The following YIPF7 variants were observed in gnomAD, a reference collection of about 807,000 sequenced individuals.
YIPF7 encodes the protein protein YIPF7.
A neutral mutation model predicts 27.2 loss-of-function variants in YIPF7; 35 were observed. That is an observed-to-expected ratio of 1.29 (90% CI 0.98 to 1.70). The LOEUF (loss-of-function observed/expected upper bound fraction) is 1.70. Among genes scored for constraint, YIPF7 ranks in the 40% most tolerant of loss-of-function variants. The probability of loss-of-function intolerance (pLI) is 0.00; values close to 1 mark genes in which losing one functional copy is unlikely to be tolerated. For synonymous variants in YIPF7, 137 were observed against 110.4 expected (o/e 1.24, Z -1.51); for missense variants, 358 against 303.7 (o/e 1.18, Z -1.33).
At chr4:44,647,800 T>C (rs1028225030) in intron 2 of YIPF7, among the ~76,000 whole-genome samples, 6 of 152,144 alleles carry the variant, frequency 3.9e-5, no homozygotes, top group Non-Finnish European at 7.4e-5. Flanking sequence ...GTCCATTTTT[T>C]TCTGGGCAGA....
At chr4:44,629,362 A>T in intron 4 of YIPF7, 41 bp downstream of exon 4, 1 of 1,529,992 alleles carries the variant, frequency 6.5e-7, no homozygotes, top group Non-Finnish European at 8.8e-7. Context: ...AGCACTGGAA[A>T]GGACAAGCAT....
upstream of YIPF7, chr4:44,651,646 G>T: frequency 6.4e-7 from 1 of 1,550,584 alleles, no homozygotes; most frequent in African/African-American, 1.4e-5. Flanking sequence ...TGACATGCTG[G>T]CTATATATAT....
At chr4:44,659,206 T>C (rs552945796) in intron 2 of YIPF7, among the ~76,000 whole-genome samples, 1 of 152,248 alleles carries the variant, frequency 6.6e-6, no homozygotes, top group Non-Finnish European at 1.5e-5. Context: ...TGAGTGTGCA[T>C]TAAGTGCAGT....
At chr4:44,642,390 C>T (rs1430618211) in intron 2 of YIPF7, among the ~76,000 whole-genome samples, 2 of 152,108 alleles carry the variant, frequency 1.3e-5, no homozygotes, top group Non-Finnish European at 1.5e-5. Flanking sequence ...ACCATGCTCA[C>T]CTTTGATAAC....
At chr4:44,653,891 G>T (rs552013014), upstream of YIPF7, among the ~76,000 whole-genome samples, 6 of 151,916 alleles carry the variant, frequency 3.9e-5, no homozygotes, top group Non-Finnish European at 7.4e-5. Context: ...GCCTACCAAA[G>T]ATAATACTTT....
intron 2 of YIPF7, among the ~76,000 whole-genome samples, chr4:44,660,130 A>AAAAAAAAAAAAAAAAAAAAAAAAAC (rs1560332853): frequency 6.8e-6 from 1 of 147,286 alleles, no homozygotes; most frequent in Non-Finnish European, 1.5e-5. Flanking sequence ...AAAAAAAAAA[A>AAAAAAAAAAAAAAAAAAAAAAAAAC]AAAAAACGAA....
upstream of YIPF7, among the ~76,000 whole-genome samples, chr4:44,655,861 T>C (rs1192151391): frequency 6.6e-6 from 1 of 151,952 alleles, no homozygotes; most frequent in Non-Finnish European, 1.5e-5. Flanking sequence ...CAGAGACACA[T>C]GAAAATGGGC....
upstream of YIPF7, among the ~76,000 whole-genome samples, chr4:44,656,083 C>T (rs1042891868): frequency 6.6e-6 from 1 of 151,838 alleles, no homozygotes; most frequent in African/African-American, 2.4e-5. Flanking sequence ...AGAGTTATTG[C>T]TGAATTCTTA....
At chr4:44,638,855 T>C (rs1243779957) in intron 2 of YIPF7, among the ~76,000 whole-genome samples, 2 of 152,172 alleles carry the variant, frequency 1.3e-5, no homozygotes, top group African/African-American at 4.8e-5. Context: ...CCATCTTGAG[T>C]TTATTTTTGT....
At chr4:44,628,601 T>A (rs1292921342) in intron 4 of YIPF7, among the ~76,000 whole-genome samples, 1 of 152,136 alleles carries the variant, frequency 6.6e-6, no homozygotes, top group Non-Finnish European at 1.5e-5. Flanking sequence ...TTTTCTGTTT[T>A]TAATGTATTG....
At chr4:44,657,321 G>T (rs962047856) in intron 2 of YIPF7, among the ~76,000 whole-genome samples, 1 of 152,140 alleles carries the variant, frequency 6.6e-6, no homozygotes, top group African/African-American at 2.4e-5. Flanking sequence ...GCTCTTCAAA[G>T]GAAAACTTTC....
chr4:44,652,411 T>A (rs1713764741), upstream of YIPF7, among the ~76,000 whole-genome samples: 1 of 152,238 alleles, frequency 6.6e-6, no homozygotes, highest in Admixed American at 6.5e-5. Context: ...TGCTTCATGC[T>A]GATTCTCTTT....
intron 4 of YIPF7, among the ~76,000 whole-genome samples, chr4:44,626,608 T>G (rs1712648970): frequency 6.6e-6 from 1 of 152,140 alleles, no homozygotes; most frequent in African/African-American, 2.4e-5. Context: ...TTTGTCCCGT[T>G]TAAGTTGTAA....
intron 3 of YIPF7, among the ~76,000 whole-genome samples, chr4:44,634,396 G>A (rs772550101): frequency 6.6e-5 from 10 of 151,990 alleles, no homozygotes; most frequent in Admixed American, 3.9e-4. Context: ...AGCCATGCAC[G>A]GTGGTGTGCA....
intron 2 of YIPF7, among the ~76,000 whole-genome samples, chr4:44,639,722 T>C (rs1479302719): frequency 6.6e-6 from 1 of 152,182 alleles, no homozygotes; most frequent in Admixed American, 6.5e-5. Flanking sequence ...TTTCCACTAC[T>C]ATGTTGAACA....
intron 2 of YIPF7, among the ~76,000 whole-genome samples, chr4:44,646,864 T>A (rs1427491833): frequency 6.6e-6 from 1 of 152,100 alleles, no homozygotes; most frequent in Non-Finnish European, 1.5e-5. Context: ...AATGACTGAT[T>A]ATAACTATTC....
rs368678787 is a variant in YIPF7, at chr4:44,629,416, G to T, written c.413C>A (p.Ala138Asp). The T allele has an allele frequency of 8.1e-5, 129 of 1,589,250 alleles. No homozygotes were observed. The highest frequency in any genetic ancestry group is 1.0e-4 in the Non-Finnish European group (122 of 1,168,826). Reference sequence around the variant, plus strand: ...GTGACACATTACCAGAAGCAAGGTGGCTCCCAGGGCTACGCAAAAAAGAAT... The same window carrying T: ...GTGACACATTACCAGAAGCAAGGTGTCTCCCAGGGCTACGCAAAAAAGAAT... Reference protein sequence around the residue: ...GPILFCVALGATLLLAGKVQF... With the variant: ...GPILFCVALGDTLLLAGKVQF... The change falls in exon 4 of 6, where the codon GCC becomes GAC. Residue 138 changes from alanine (A) to aspartate (D), a missense_variant. Ala to Asp is a moderately radical substitution (Grantham distance 126). Transcript: ENST00000415895.
chr4:44,638,964 T>C (rs762923360), intron 2 of YIPF7, among the ~76,000 whole-genome samples: 6 of 152,332 alleles, frequency 3.9e-5, no homozygotes, highest in Non-Finnish European at 5.9e-5. Flanking sequence ...TTCCAACTTA[T>C]GTTGTTGTCA....
At chr4:44,648,532 T>C (rs1713605481) in intron 2 of YIPF7, among the ~76,000 whole-genome samples, 8 of 152,140 alleles carry the variant, frequency 5.3e-5, no homozygotes, top group Admixed American at 5.2e-4. Context: ...ACTCAATATA[T>C]TGTATAGTTA....
Sources: gnomAD v4.1 joint callset for allele counts (sites outside exome capture counted in the v4.1 genomes callset) on GRCh38, gnomAD v4.1.1 for gene constraint, MANE v1.5 for transcripts, NCBI Gene and HGNC (gene_info 2026-07-23, HGNC 2026-07-21) for gene names.